The following RBFOX1 variants were observed in gnomAD, a reference collection of about 807,000 sequenced individuals.
RBFOX1 encodes RNA binding fox-1 homolog 1, also known as RNA binding protein fox-1 homolog 1.
RBFOX1 carries 8 observed loss-of-function variants against 57.7 expected under a neutral mutation model. That is an observed-to-expected ratio of 0.14 (90% confidence interval 0.08 to 0.25). RBFOX1 has a LOEUF of 0.25. Ranked by LOEUF, RBFOX1 falls within the 10% of genes least tolerant of loss-of-function variation. The pLI, the probability that RBFOX1 is intolerant of heterozygous loss-of-function variation, is 1.00. For missense variants in RBFOX1, 611 were observed against 548.5 expected (o/e 1.11, Z -1.14); for synonymous variants, 326 against 222.4 (o/e 1.47, Z -4.15).
chr16:6,681,194 C>T (rs2058597666), intron 3 of RBFOX1, among the ~76,000 whole-genome samples: 1 of 152,106 alleles, frequency 6.6e-6, no homozygotes, highest in Non-Finnish European at 1.5e-5. Flanking sequence ...TGCCTGTAGT[C>T]CCAGTTACTT....
chr16:7,028,928 T>C (rs1280461332), intron 3 of RBFOX1, among the ~76,000 whole-genome samples: 1 of 150,380 alleles, frequency 6.6e-6, no homozygotes, highest in Admixed American at 6.7e-5. Flanking sequence ...CAAGCATCTA[T>C]GAAATAATGA....
At chr16:6,831,074 C>G (rs2092675452) in intron 3 of RBFOX1, among the ~76,000 whole-genome samples, 1 of 152,210 alleles carries the variant, frequency 6.6e-6, no homozygotes, top group Non-Finnish European at 1.5e-5. Flanking sequence ...ACCTCAACCT[C>G]CATCTAAAGT....
At chr16:7,227,907 C>T (rs2093250454) in intron 4 of RBFOX1, among the ~76,000 whole-genome samples, 1 of 152,182 alleles carries the variant, frequency 6.6e-6, no homozygotes, top group South Asian at 2.1e-4. Context: ...TATCCTTTCC[C>T]TTCTAGCAGG....
chr16:5,757,626 G>T (rs1029362481), intron 3 of RBFOX1, among the ~76,000 whole-genome samples: 5 of 152,128 alleles, frequency 3.3e-5, no homozygotes, highest in African/African-American at 1.2e-4. Flanking sequence ...CAGGAAATGT[G>T]GTGTAGACGT....
chr16:7,536,595 A>C (rs2081527290), intron 5 of RBFOX1, among the ~76,000 whole-genome samples: 1 of 152,212 alleles, frequency 6.6e-6, no homozygotes. Context: ...CTTCGTCTCA[A>C]AAAAATAATA....
At chr16:6,811,512 C>G (rs1236422855) in intron 3 of RBFOX1, among the ~76,000 whole-genome samples, 1 of 152,136 alleles carries the variant, frequency 6.6e-6, no homozygotes, top group Admixed American at 6.5e-5. Flanking sequence ...GATTATGTAG[C>G]TAGTCCTCAG....
chr16:7,018,101 T>C (rs1198802398), intron 3 of RBFOX1, among the ~76,000 whole-genome samples: 1 of 152,110 alleles, frequency 6.6e-6, no homozygotes, highest in Non-Finnish European at 1.5e-5. Context: ...GTTTTCTCTC[T>C]GTGGAGCATC....
intron 1 of RBFOX1, among the ~76,000 whole-genome samples, chr16:5,329,562 A>C (rs1406863973): frequency 1.3e-5 from 2 of 152,230 alleles, no homozygotes; most frequent in African/African-American, 4.8e-5. Context: ...CATATCAAAA[A>C]CTGAGGTCCG....
chr16:7,038,418 C>T (rs1291325567), intron 3 of RBFOX1, among the ~76,000 whole-genome samples: 4 of 152,260 alleles, frequency 2.6e-5, no homozygotes, highest in Admixed American at 2.0e-4. Context: ...TTTTCTCCAG[C>T]CCTCCTCTGC....
intron 4 of RBFOX1, among the ~76,000 whole-genome samples, chr16:7,341,699 CT>C (rs1354621574): frequency 6.7e-6 from 1 of 149,602 alleles, no homozygotes; most frequent in Non-Finnish European, 1.5e-5. Context: ...TCCTACCTTC[CT>C]TCCTTCCTTC....
chr16:6,037,720 G>A (rs975224561), intron 1 of RBFOX1: 4 of 152,000 alleles, frequency 2.6e-5, no homozygotes, highest in African/African-American at 7.3e-5. Flanking sequence ...TCAGCCTCCT[G>A]TGTAGCTGGG....
At chr16:7,347,800 A>C (rs1189668958) in intron 4 of RBFOX1, among the ~76,000 whole-genome samples, 1 of 152,132 alleles carries the variant, frequency 6.6e-6, no homozygotes. Flanking sequence ...AGCCCGTTCA[A>C]AGTATTGCTG....
chr16:6,586,226 C>T lies in RBFOX1; in HGVS notation c.-63-68377C>T, dbSNP rs528165679. The stretch of plus-strand genomic sequence containing the variant: ...AGAGTATCAAGAAAATCCCAATTTG[C>T]TCAGATAGGTAGGTGTGAAAACCAA... On this transcript the variant is annotated intron_variant, in intron 2 of 15. Transcript: ENST00000550418. Among the ~76,000 whole-genome samples the T allele has an allele frequency of 9.8e-5, 15 of 152,320 alleles. 1 individual carries two copies. The South Asian group carries it at 2.7e-3, about 27-fold the overall frequency.
At chr16:5,244,848 G>C (rs1432663472) in intron 1 of RBFOX1, among the ~76,000 whole-genome samples, 2 of 152,208 alleles carry the variant, frequency 1.3e-5, no homozygotes, top group African/African-American at 4.8e-5. Flanking sequence ...GAGGGGCAGG[G>C]TACACACTGG....
intron 3 of RBFOX1, among the ~76,000 whole-genome samples, chr16:6,842,074 C>T (rs150154285): frequency 0.027 from 4,072 of 151,380 alleles, 78 homozygotes; most frequent in Non-Finnish European, 0.038. Context: ...ACCCGGGAGG[C>T]GGAACTTGCA....
intron 1 of RBFOX1, among the ~76,000 whole-genome samples, chr16:6,104,661 T>A (rs2096356559): frequency 6.6e-6 from 1 of 152,192 alleles, no homozygotes; most frequent in South Asian, 2.1e-4. Context: ...GCAGTCAAAA[T>A]GTCCATCAAC....
intron 1 of RBFOX1, among the ~76,000 whole-genome samples, chr16:6,216,445 C>G (rs1359300649): frequency 6.6e-6 from 1 of 152,112 alleles, no homozygotes; most frequent in Non-Finnish European, 1.5e-5. Flanking sequence ...TTTGCCAACA[C>G]CATTAGCTCC....
intron 3 of RBFOX1, among the ~76,000 whole-genome samples, chr16:7,007,425 C>T (rs544222436): frequency 2.7e-4 from 41 of 152,188 alleles, no homozygotes; most frequent in African/African-American, 9.9e-4. Flanking sequence ...CCCAATAATC[C>T]AGAGTCATCT....
intron 1 of RBFOX1, among the ~76,000 whole-genome samples, chr16:6,240,046 G>A (rs2097532184): frequency 6.6e-6 from 1 of 152,076 alleles, no homozygotes; most frequent in African/African-American, 2.4e-5. Context: ...CAGTGAGTGA[G>A]TTCTCATGAG....
Sources: allele counts gnomAD v4.1 joint callset (sites outside exome capture counted in the v4.1 genomes callset), GRCh38; gene constraint gnomAD v4.1.1; transcripts MANE v1.5; gene names NCBI Gene and HGNC (gene_info 2026-07-23, HGNC 2026-07-21).